Variants in DAB2IP observed in about 807,000 individuals in gnomAD.
DAB2IP encodes the protein disabled homolog 2-interacting protein.
DAB2IP carries 28 observed loss-of-function variants against 107.2 expected under a neutral mutation model. That is an observed-to-expected ratio of 0.26 (90% CI 0.19 to 0.36). DAB2IP has a LOEUF of 0.36. Ranked by LOEUF, DAB2IP falls within the 10% of genes least tolerant of loss-of-function variation. The pLI is 1.00. For missense variants in DAB2IP, 1,400 were observed against 1,644.7 expected, an observed-to-expected ratio of 0.85 and a Z score of 2.57; for synonymous variants, 755 against 706.4, an observed-to-expected ratio of 1.07 and a Z score of -1.09.
chr9:121,587,246 G>T (rs1409693929), intron 1 of DAB2IP, among the ~76,000 whole-genome samples: 1 of 152,200 alleles, frequency 6.6e-6, no homozygotes, highest in Non-Finnish European at 1.5e-5. Context: ...TTGGGAAAGT[G>T]CAGTGTAGGC....
intron 1 of DAB2IP, among the ~76,000 whole-genome samples, chr9:121,632,914 T>G (rs143903374): frequency 6.6e-6 from 1 of 152,278 alleles, no homozygotes; most frequent in East Asian, 1.9e-4. Context: ...CTGGGCCTGC[T>G]CACACTGGGG....
chr9:121,706,832 G>A (rs545689413), intron 3 of DAB2IP, among the ~76,000 whole-genome samples: 1 of 152,306 alleles, frequency 6.6e-6, no homozygotes, highest in South Asian at 2.1e-4. Flanking sequence ...ACACATGCAC[G>A]TCCTTGTGGA....
At chr9:121,747,599 G>A (rs556030843) in intron 3 of DAB2IP, among the ~76,000 whole-genome samples, 5 of 152,074 alleles carry the variant, frequency 3.3e-5, no homozygotes, top group South Asian at 4.2e-4. Context: ...CACCTGCCTC[G>A]GCCTCCCAAA....
At chr9:121,582,044 G>C (rs1330218215) in intron 1 of DAB2IP, among the ~76,000 whole-genome samples, 2 of 152,232 alleles carry the variant, frequency 1.3e-5, no homozygotes, top group African/African-American at 4.8e-5. Flanking sequence ...ACGGTTGGGG[G>C]CCGTGGGGGG....
chr9:121,628,003 CATCCCTCTGT>C (rs1248181250), intron 1 of DAB2IP, among the ~76,000 whole-genome samples: 1 of 152,210 alleles, frequency 6.6e-6, no homozygotes, highest in Admixed American at 6.5e-5. Flanking sequence ...TGGGTGCCAG[CATCCCTCTGT>C]CTGCAGGAAG....
At chr9:121,598,493 G>C (rs1408156456) in intron 1 of DAB2IP, 1 of 152,240 alleles carries the variant, frequency 6.6e-6, no homozygotes, top group Non-Finnish European at 1.5e-5. Context: ...TGGCAGGCCC[G>C]CTGGCCGAGG....
chr9:121,585,231 A>G lies in DAB2IP; in HGVS notation c.40+18003A>G, dbSNP rs56196243. Among the ~76,000 whole-genome samples, 1,336 of 152,324 alleles carry G rather than the reference A, an allele frequency of 8.8e-3. 22 individuals carry two copies. The highest frequency in any genetic ancestry group is 0.029 in the African/African-American group (1,222 of 41,560). ...TCTGTCCCAGAATGGCGAGGGGTCA[A>G]TGAGAGCACAGAGTCGAGGCTGAAC... On this transcript the variant is annotated intron_variant, in intron 1 of 16. Coordinates refer to the DAB2IP transcript ENST00000259371.
chr9:121,572,015 G>T (rs1174672297), intron 1 of DAB2IP, among the ~76,000 whole-genome samples: 1 of 152,108 alleles, frequency 6.6e-6, no homozygotes, highest in Admixed American at 6.5e-5. Flanking sequence ...CCCCTCTGGT[G>T]CCAGCCCCTT....
rs764167621 is a variant in DAB2IP, at chr9:121,782,347, C to T, written c.3419C>T (p.Ser1140Leu). Reference sequence around the variant, plus strand: ...TGTCCACAGGAGAAGCGCATTGCCTCGTTGGATGCCGCCAATGCCCGCCTC... The same window carrying T: ...TGTCCACAGGAGAAGCGCATTGCCTTGTTGGATGCCGCCAATGCCCGCCTC... The change falls in exon 16 of 16, where the codon TCG becomes TTG. Residue 1140 changes from serine to leucine, a missense_variant. This residue lies in a region of DAB2IP where 600 missense variants were observed against 659.1 expected (regional missense o/e 0.91). Coordinates refer to ENST00000408936, the Ensembl canonical transcript of DAB2IP. This position sits in a 1 kb window ranked among gnomAD's most constrained non-coding sequence, Gnocchi z 6.1. 4.3e-6 allele frequency: 7 copies of T among 1,613,860 alleles called. 1 individual carries two copies. In the Admixed American group the frequency reaches 8.3e-5, roughly 19 times the overall value.
chr9:121,608,250 C>G (rs1241167065), intron 1 of DAB2IP, among the ~76,000 whole-genome samples: 1 of 152,108 alleles, frequency 6.6e-6, no homozygotes, highest in East Asian at 1.9e-4. Flanking sequence ...TATAAATGAG[C>G]GTGTGGAGGT....
In DAB2IP at chr9:121,782,777, A is replaced by C; in HGVS notation, c.*279A>C. ...GCCTGATGGGGCAGGGGGCCTGCCA[A>C]AAATATGTCTGTTGGTTCCTGAATG... is the stretch of plus-strand genomic sequence containing the variant. On this transcript the variant is annotated 3_prime_UTR_variant, in exon 16 of 16. Coordinates refer to ENST00000408936, the Ensembl canonical transcript of DAB2IP. This position sits in a 1 kb window ranked among gnomAD's most constrained non-coding sequence, Gnocchi z 6.1. The C allele has an allele frequency of 7.7e-7, 1 of 1,298,370 alleles. No individual in the cohort carries two copies. The highest frequency in any genetic ancestry group is 9.8e-7 in the Non-Finnish European group (1 of 1,019,432). 80.4% of individuals were successfully genotyped at this position (1,298,370 alleles called of 1,614,324 possible). A position where few individuals can be genotyped will look rare whatever the true frequency, so the allele number is the denominator to read the frequency against.
At chr9:121,675,200 C>T (rs879703188) in intron 1 of DAB2IP, among the ~76,000 whole-genome samples, 18 of 152,080 alleles carry the variant, frequency 1.2e-4, no homozygotes, top group African/African-American at 3.1e-4. Flanking sequence ...GTGATCTGGG[C>T]GCCCCCAGCA....
At chr9:121,660,225 T>C (rs961364517) in intron 1 of DAB2IP, among the ~76,000 whole-genome samples, 1 of 152,198 alleles carries the variant, frequency 6.6e-6, no homozygotes, top group South Asian at 2.1e-4. Context: ...GTCCTTTACA[T>C]GCATCCTGCC....
rs983345828 is a variant in DAB2IP at position 121,634,573 on chromosome 9, G to A, written c.41-44105G>A. ...GTGCGCAGTTTGGAAGGGGTGACGC[G>A]CAGGTCTGAGAATGGGTGGGCAGTG... On this transcript the variant is annotated intron_variant, in intron 1 of 16. Transcript: ENST00000259371. This position sits in a 1 kb window ranked among gnomAD's most constrained non-coding sequence, Gnocchi z 4.7. Among the ~76,000 whole-genome samples the A allele has an allele frequency of 6.6e-6, 1 of 152,120 alleles. No individual in the cohort carries two copies. Among genetic ancestry groups the A allele is most frequent in the South Asian group, 2.1e-4 (1 of 4,832 alleles).
At chr9:121,697,661 C>A (rs963508244) in intron 2 of DAB2IP, among the ~76,000 whole-genome samples, 1 of 152,114 alleles carries the variant, frequency 6.6e-6, no homozygotes, top group Non-Finnish European at 1.5e-5. Context: ...ATTAGAATAC[C>A]CTGATGGATA....
At chr9:121,733,516 G>T (rs557830488) in intron 3 of DAB2IP, among the ~76,000 whole-genome samples, 1 of 152,288 alleles carries the variant, frequency 6.6e-6, no homozygotes, top group Non-Finnish European at 1.5e-5. Context: ...CTGAGCTCTG[G>T]GGAGAAGACG....
intron 3 of DAB2IP, chr9:121,737,626 T>C: frequency 4.1e-6 from 4 of 985,400 alleles, no homozygotes; most frequent in Non-Finnish European, 4.8e-6. Context: ...GACCTGGCCA[T>C]CTTCGGAAGC....
At chr9:121,642,733 C>T (rs1832405928) in intron 1 of DAB2IP, among the ~76,000 whole-genome samples, 1 of 151,884 alleles carries the variant, frequency 6.6e-6, no homozygotes, top group African/African-American at 2.4e-5. Context: ...GTGAACTGGA[C>T]TCACAAGGTT....
intron 1 of DAB2IP, among the ~76,000 whole-genome samples, chr9:121,569,820 C>T (rs1829892877): frequency 6.6e-6 from 1 of 152,244 alleles, no homozygotes; most frequent in Non-Finnish European, 1.5e-5. Context: ...GAGATGCCAT[C>T]TCAGAAGTAA....
Sources: gnomAD v4.1 joint callset for allele counts (sites outside exome capture counted in the v4.1 genomes callset) on GRCh38, gnomAD v4.1.1 for gene constraint, gnomAD v4.1.1 regional missense constraint, Gnocchi (gnomAD v3.1) non-coding constraint, MANE v1.5 for transcripts, NCBI Gene and HGNC (gene_info 2026-07-23, HGNC 2026-07-21) for gene names.